PPP3R1: variants seen among roughly 807,000 people sequenced by gnomAD.
PPP3R1 encodes protein phosphatase 3 regulatory subunit B, alpha, also known as calcineurin subunit B type 1.
A neutral mutation model predicts 22.6 loss-of-function variants in PPP3R1; 5 were observed. The observed-to-expected ratio is 0.22, with a 90% CI of 0.12 to 0.46. PPP3R1 has a LOEUF of 0.46. Ranked by LOEUF, PPP3R1 falls within the 20% of genes least tolerant of loss-of-function variation. PPP3R1 has a pLI of 0.99. For missense variants in PPP3R1, 61 were observed against 203.2 expected, an observed-to-expected ratio of 0.30 and a Z score of 4.25; for synonymous variants, 56 against 65.2, an observed-to-expected ratio of 0.86 and a Z score of 0.68.
chr2:68,219,643 T>A (rs1207976308), intron 1 of PPP3R1, among the ~76,000 whole-genome samples: 1 of 152,220 alleles, frequency 6.6e-6, no homozygotes, highest in South Asian at 2.1e-4. Flanking sequence ...AAATTAATTC[T>A]GCAGTGAATT....
At chr2:68,229,078 G>A (rs1669837365) in intron 1 of PPP3R1, among the ~76,000 whole-genome samples, 1 of 152,168 alleles carries the variant, frequency 6.6e-6, no homozygotes. Flanking sequence ...GAGTGTAGTG[G>A]CATGACATGG....
rs1320764565 is a variant in PPP3R1, at chr2:68,252,341, A to G, written c.-214T>C. The G allele has an allele frequency of 2.0e-6, 2 of 1,011,760 alleles. No individual in the cohort carries two copies. Among genetic ancestry groups the G allele is most frequent in the East Asian group, 2.1e-4 (2 of 9,694 alleles). 62.7% of individuals were successfully genotyped at this position (1,011,760 alleles called of 1,614,324 possible). A position where few individuals can be genotyped will look rare whatever the true frequency, so the allele number is the denominator to read the frequency against. On this transcript the variant is annotated 5_prime_UTR_variant, in exon 1 of 6. Transcript: ENST00000234310. ...GAGCGGGCAGGGTAGGGGGAAATAA[A>G]TTAAGGTCGAGATTCAGAGCCGGAG...
At chr2:68,232,156 TATAC>T (rs1301201552) in intron 1 of PPP3R1, among the ~76,000 whole-genome samples, 7 of 119,230 alleles carry the variant, frequency 5.9e-5, no homozygotes, top group Non-Finnish European at 9.8e-5. Context: ...TGTATATATA[TATAC>T]ATATATAAAT....
chr2:68,213,427 A>C (rs1669520986), intron 2 of PPP3R1, among the ~76,000 whole-genome samples: 1 of 152,228 alleles, frequency 6.6e-6, no homozygotes, highest in African/African-American at 2.4e-5. Context: ...GGGAATGGCC[A>C]GTCAGTACAG....
chr2:68,211,406 CA>C (rs3979551), intron 2 of PPP3R1, among the ~76,000 whole-genome samples: 65 of 77,396 alleles, frequency 8.4e-4, no homozygotes, highest in East Asian at 2.1e-3. Flanking sequence ...GACTCTGTCT[CA>C]AAAAAAAAAA....
intron 2 of PPP3R1, among the ~76,000 whole-genome samples, chr2:68,199,007 A>G (rs1174727281): frequency 6.6e-6 from 1 of 152,172 alleles, no homozygotes; most frequent in Non-Finnish European, 1.5e-5. Flanking sequence ...TCTGTCACCC[A>G]GGCTGGAGTG....
At chr2:68,190,340 G>A (rs1468012461) in intron 2 of PPP3R1, among the ~76,000 whole-genome samples, 1 of 151,236 alleles carries the variant, frequency 6.6e-6, no homozygotes, top group Non-Finnish European at 1.5e-5. Context: ...CAAGGCGGGT[G>A]GATCACCTGA....
chr2:68,181,948 A>G (rs531809572), intron 5 of PPP3R1, among the ~76,000 whole-genome samples: 2 of 152,234 alleles, frequency 1.3e-5, no homozygotes, highest in East Asian at 3.9e-4. Context: ...GTTTTATTAC[A>G]TTTAATCTAC....
intron 2 of PPP3R1, among the ~76,000 whole-genome samples, chr2:68,194,915 T>C (rs1674737329): frequency 6.6e-6 from 1 of 152,106 alleles, no homozygotes; most frequent in South Asian, 2.1e-4. Flanking sequence ...CACCAACTGA[T>C]TTAAAACAAA....
intron 1 of PPP3R1, among the ~76,000 whole-genome samples, chr2:68,221,973 A>G (rs1669695362): frequency 6.6e-6 from 1 of 152,136 alleles, no homozygotes; most frequent in Admixed American, 6.5e-5. Flanking sequence ...ACAAAAAAAA[A>G]GTCAAAAGAA....
intron 2 of PPP3R1, among the ~76,000 whole-genome samples, chr2:68,205,922 C>T (rs1216293791): frequency 6.6e-6 from 1 of 152,074 alleles, no homozygotes; most frequent in East Asian, 1.9e-4. Flanking sequence ...TGGGTTCAAG[C>T]CATTCTCCTG....
At chr2:68,187,436 A>G (rs1265818745) in intron 3 of PPP3R1, 122 bp from the exon 4 acceptor site, 1 of 809,216 alleles carries the variant, frequency 1.2e-6, no homozygotes, top group African/African-American at 1.7e-5. Flanking sequence ...ACTACTAGCA[A>G]CGTTTAAAAA....
chr2:68,249,683 T>G (rs1293155584), intron 1 of PPP3R1, among the ~76,000 whole-genome samples: 3 of 150,304 alleles, frequency 2.0e-5, no homozygotes, highest in Non-Finnish European at 3.0e-5. Context: ...CTTAACAATT[T>G]AAAACTCAAA....
At chr2:68,226,989 CAA>C (rs1669795687) in intron 1 of PPP3R1, among the ~76,000 whole-genome samples, 1 of 152,080 alleles carries the variant, frequency 6.6e-6, no homozygotes, top group South Asian at 2.1e-4. Context: ...TTATAGTTCA[CAA>C]AGAGTCTATA....
chr2:68,225,192 T>A (rs543156742), intron 1 of PPP3R1, among the ~76,000 whole-genome samples: 2 of 152,230 alleles, frequency 1.3e-5, no homozygotes, highest in Non-Finnish European at 2.9e-5. Flanking sequence ...CAGAAGGATT[T>A]TGCACATGTA....
rs147972104 is a variant in PPP3R1, at chr2:68,230,709, A to T, written c.4-13578T>A. Among the ~76,000 whole-genome samples, 4 of 152,228 alleles carry T rather than the reference A, an allele frequency of 2.6e-5. No homozygotes were observed. The East Asian group carries it at 7.7e-4, about 29-fold the overall frequency. On this transcript the variant is annotated intron_variant, in intron 1 of 5. Transcript: ENST00000234310. ...TCTTTCTAGGGTAAGTCTGCTGGTG[A>T]CATACTCTCTTCATTTTCCTTCATA...
chr2:68,252,083 AG>A, intron 1 of PPP3R1, 41 bp downstream of exon 1: 1 of 1,390,974 alleles, frequency 7.2e-7, no homozygotes, highest in Non-Finnish European at 9.5e-7. Flanking sequence ...GGACGGCGGC[AG>A]TAGGGGGAGG....
intron 1 of PPP3R1, among the ~76,000 whole-genome samples, chr2:68,248,491 A>G (rs4671206): frequency 1.3e-5 from 2 of 152,196 alleles, no homozygotes; most frequent in African/African-American, 2.4e-5. Flanking sequence ...CCTATTCTCT[A>G]AACAGTGGTT....
In PPP3R1 at chr2:68,182,088, C is replaced by CCA. The variant is rs1217295547; in HGVS notation, c.466-1080_466-1079dup. 1.8e-3 allele frequency among the ~76,000 whole-genome samples: 208 copies of CCA among 115,762 alleles called. 2 individuals are homozygous for CCA. Among genetic ancestry groups the CCA allele is most frequent in the African/African-American group, 6.2e-3 (199 of 32,286 alleles). 75.9% of individuals were successfully genotyped at this position (115,762 alleles called of 152,430 possible). On this transcript the variant is annotated intron_variant, in intron 5 of 5. Coordinates refer to ENST00000234310, the MANE Select transcript of PPP3R1 (RefSeq NM_000945.4). ...CTCCTCCAACCCCCCCCTCCCCCCA[C>CCA]CACACACACACGACCAGTAGCTACT...
Sources: gnomAD v4.1 joint callset for allele counts (sites outside exome capture counted in the v4.1 genomes callset) on GRCh38, gnomAD v4.1.1 for gene constraint, MANE v1.5 for transcripts, NCBI Gene and HGNC (gene_info 2026-07-23, HGNC 2026-07-21) for gene names.